Variants in PHIP observed in about 807,000 individuals in gnomAD.
PHIP encodes PHIP subunit of CUL4-Ring ligase complex, also known as PH-interacting protein.
In PHIP, 54 loss-of-function variants were observed where a neutral mutation model predicts 236.8. The observed-to-expected ratio is 0.23, with a 90% CI of 0.18 to 0.29. PHIP has a LOEUF of 0.29. Among genes scored for constraint, PHIP ranks in the 10% least tolerant of loss-of-function variants. The probability of loss-of-function intolerance (pLI) is 1.00; values close to 1 mark genes in which losing one functional copy is unlikely to be tolerated. For synonymous variants in PHIP, 756 were observed against 718.9 expected, an observed-to-expected ratio of 1.05 and a Z score of -0.83; for missense variants, 1,370 against 2,190.8, an observed-to-expected ratio of 0.63 and a Z score of 7.48.
intron 31 of PHIP, among the ~76,000 whole-genome samples, 185 bp downstream of exon 31, chr6:78,961,505 T>TA (rs1393713142): frequency 3.3e-5 from 5 of 152,102 alleles, no homozygotes; most frequent in African/African-American, 1.2e-4. Flanking sequence ...TGGGACTTGT[T>TA]AGAAATGCAG....
At chr6:78,949,474 T>C (rs894552061) in intron 35 of PHIP, among the ~76,000 whole-genome samples, 1 of 152,128 alleles carries the variant, frequency 6.6e-6, no homozygotes, top group African/African-American at 2.4e-5. Context: ...GACAACTAGA[T>C]ACCTGTGCCC....
intron 7 of PHIP, among the ~76,000 whole-genome samples, chr6:79,034,018 G>T (rs1538233): frequency 0.48 from 72,200 of 151,784 alleles, 17,495 homozygotes; most frequent in East Asian, 0.69. Context: ...AAGGGTGCAG[G>T]TCATGGCACC....
rs906638015 is a variant in PHIP at position 78,935,831 on chromosome 6, T to C, written c.*4862A>G. 4 of 737,426 alleles carry C rather than the reference T, an allele frequency of 5.4e-6. No individual in the cohort carries two copies. The highest frequency in any genetic ancestry group is 6.6e-6 in the Non-Finnish European group (4 of 603,562). The allele number at this position is 737,426 out of a possible 1,614,324, so 45.7% of individuals were successfully genotyped here. A position where few individuals can be genotyped will look rare whatever the true frequency, so the allele number is the denominator to read the frequency against. ...TGCTTTATGTGATGCCAAAAAACTT[T>C]AAAAAGCAAATAATAAATCATGAGG... On this transcript the variant is annotated 3_prime_UTR_variant, in exon 40 of 40. Transcript: ENST00000275034.
intron 6 of PHIP, among the ~76,000 whole-genome samples, chr6:79,046,484 A>G (rs66537043): frequency 0.1 from 15,949 of 152,264 alleles, 860 homozygotes; most frequent in Middle Eastern, 0.19. Context: ...CTACTACAAG[A>G]TAACAAACTT....
At chr6:79,010,380 T>C (rs893091829) in intron 15 of PHIP, among the ~76,000 whole-genome samples, 1 of 151,382 alleles carries the variant, frequency 6.6e-6, no homozygotes, top group Admixed American at 6.6e-5. Context: ...TCTGGATTAG[T>C]GGACACTGGA....
At chr6:79,057,312 T>C (rs1773124920) in intron 6 of PHIP, among the ~76,000 whole-genome samples, 1 of 152,088 alleles carries the variant, frequency 6.6e-6, no homozygotes, top group Non-Finnish European at 1.5e-5. Flanking sequence ...AAAACGTAAT[T>C]AGTGGGAAAA....
intron 24 of PHIP, among the ~76,000 whole-genome samples, chr6:78,972,422 TG>T (rs1421665303): frequency 6.6e-6 from 1 of 151,876 alleles, no homozygotes; most frequent in Non-Finnish European, 1.5e-5. Flanking sequence ...ACCACAAAGA[TG>T]GGGAAAAAAC....
At chr6:79,064,544 A>T (rs1358712567) in intron 4 of PHIP, among the ~76,000 whole-genome samples, 1 of 152,224 alleles carries the variant, frequency 6.6e-6, no homozygotes, top group South Asian at 2.1e-4. Context: ...TCCAATAAGC[A>T]TTTTTAAATC....
chr6:78,956,890 C>G (rs1348284581), intron 32 of PHIP: 4 of 152,022 alleles, frequency 2.6e-5, no homozygotes, highest in Non-Finnish European at 4.4e-5. Flanking sequence ...ACAGATTTAT[C>G]TATCCTATGA....
chr6:79,037,059 A>G (rs1771975832), intron 7 of PHIP, among the ~76,000 whole-genome samples: 1 of 152,160 alleles, frequency 6.6e-6, no homozygotes, highest in South Asian at 2.1e-4. Context: ...AACACTACCA[A>G]TAACAATACT....
chr6:78,960,078 T>C (rs181346509), intron 31 of PHIP, among the ~76,000 whole-genome samples: 1 of 152,098 alleles, frequency 6.6e-6, no homozygotes, highest in Non-Finnish European at 1.5e-5. Flanking sequence ...CTCAGCATCA[T>C]GAAAGAGTAC....
At chr6:79,002,669 T>G (rs1582204345) in intron 16 of PHIP, among the ~76,000 whole-genome samples, 1 of 152,098 alleles carries the variant, frequency 6.6e-6, no homozygotes, top group East Asian at 1.9e-4. Context: ...ACATATTCCC[T>G]GTGGATAAGA....
intron 4 of PHIP, among the ~76,000 whole-genome samples, chr6:79,064,790 ACT>A (rs914565781): frequency 6.6e-6 from 1 of 152,066 alleles, no homozygotes; most frequent in Admixed American, 6.6e-5. Flanking sequence ...CTCACTATAT[ACT>A]CTCTCTTTGG....
intron 4 of PHIP, among the ~76,000 whole-genome samples, chr6:79,076,813 T>C (rs544071800): frequency 2.2e-4 from 34 of 152,314 alleles, no homozygotes; most frequent in Non-Finnish European, 4.4e-4. Flanking sequence ...TCTGCAAAGA[T>C]GTGTTTTAGT....
chr6:78,950,579 A>G (rs1400058457), intron 35 of PHIP, among the ~76,000 whole-genome samples: 2 of 152,174 alleles, frequency 1.3e-5, no homozygotes, highest in Admixed American at 1.3e-4. Context: ...TATACTTTGA[A>G]TATCGGTCTA....
chr6:79,002,568 A>G (rs1048035577), intron 16 of PHIP, among the ~76,000 whole-genome samples: 2 of 152,102 alleles, frequency 1.3e-5, no homozygotes, highest in African/African-American at 4.8e-5. Flanking sequence ...TTGTCTAGAT[A>G]TGCTACCCAC....
At chr6:78,989,385 G>A (rs1198461644) in intron 20 of PHIP, among the ~76,000 whole-genome samples, 3 of 152,158 alleles carry the variant, frequency 2.0e-5, no homozygotes, top group African/African-American at 7.2e-5. Context: ...CTGTCCCAAC[G>A]CACTCTGGCC....
chr6:79,050,556 G>A (rs187339076), intron 6 of PHIP, among the ~76,000 whole-genome samples: 3 of 152,280 alleles, frequency 2.0e-5, no homozygotes, highest in Non-Finnish European at 2.9e-5. Flanking sequence ...CAGCAGTTAA[G>A]GAGTGAGACT....
At chr6:79,019,863 C>T (rs932134697) in intron 9 of PHIP, among the ~76,000 whole-genome samples, 7 of 152,076 alleles carry the variant, frequency 4.6e-5, no homozygotes, top group African/African-American at 1.7e-4. Flanking sequence ...ATGTTACAGT[C>T]AACCAATTAG....
Sources: gnomAD v4.1 joint callset for allele counts (sites outside exome capture counted in the v4.1 genomes callset) on GRCh38, gnomAD v4.1.1 for gene constraint, MANE v1.5 for transcripts, NCBI Gene and HGNC (gene_info 2026-07-23, HGNC 2026-07-21) for gene names.